CSMD1: variants seen among roughly 807,000 people sequenced by gnomAD.
CSMD1 encodes CUB and Sushi multiple domains 1, also known as CUB and sushi domain-containing protein 1.
CSMD1 carries 213 observed loss-of-function variants against 417.5 expected under a neutral mutation model. That is an observed-to-expected ratio of 0.51 (90% CI 0.46 to 0.57). CSMD1 has a LOEUF of 0.57. CSMD1 is among the 20% of genes least tolerant of loss of function. The pLI is 0.00. For synonymous variants in CSMD1, 2,862 were observed against 1,736.8 expected (o/e 1.65, Z -16.11); for missense variants, 6,923 against 4,529.7 (o/e 1.53, Z -15.17).
At chr8:2,987,667 C>T (rs925736101) in intron 54 of CSMD1, among the ~76,000 whole-genome samples, 7 of 152,110 alleles carry the variant, frequency 4.6e-5, no homozygotes, top group Admixed American at 1.3e-4. Flanking sequence ...AGGATGAATG[C>T]CCCCATAAGA....
At chr8:2,983,595 C>T (rs748577239) in intron 54 of CSMD1, among the ~76,000 whole-genome samples, 2 of 152,122 alleles carry the variant, frequency 1.3e-5, no homozygotes, top group African/African-American at 2.4e-5. Flanking sequence ...AGAGCAGAAC[C>T]GTGGACTTTC....
At chr8:4,454,004 A>C (rs187462284) in intron 2 of CSMD1, among the ~76,000 whole-genome samples, 1 of 150,938 alleles carries the variant, frequency 6.6e-6, no homozygotes, top group Non-Finnish European at 1.5e-5. Context: ...TGTATTTTTT[A>C]GTAGAGACGG....
At chr8:3,777,617 C>G (rs1031285031) in intron 5 of CSMD1, among the ~76,000 whole-genome samples, 5 of 152,230 alleles carry the variant, frequency 3.3e-5, no homozygotes, top group African/African-American at 1.2e-4. Flanking sequence ...ATGCCTCCCC[C>G]ACCAGCATCC....
At chr8:4,123,423 T>C (rs1802595303) in intron 3 of CSMD1, among the ~76,000 whole-genome samples, 1 of 152,242 alleles carries the variant, frequency 6.6e-6, no homozygotes, top group Admixed American at 6.5e-5. Flanking sequence ...CTTTACTGTT[T>C]CTTAAATATA....
intron 2 of CSMD1, among the ~76,000 whole-genome samples, chr8:4,483,843 T>C (rs1423013879): frequency 6.6e-6 from 1 of 152,176 alleles, no homozygotes; most frequent in Non-Finnish European, 1.5e-5. Flanking sequence ...AATAACAAAA[T>C]ATTTCTGGGT....
chr8:3,245,179 C>T (rs1221195247), intron 26 of CSMD1, among the ~76,000 whole-genome samples: 2 of 152,192 alleles, frequency 1.3e-5, no homozygotes, highest in Non-Finnish European at 2.9e-5. Flanking sequence ...AAATGGCACT[C>T]CTGTCTTCTG....
At chr8:3,190,189 T>A in intron 33 of CSMD1, 74 bp from the exon 34 acceptor site, 1 of 1,184,218 alleles carries the variant, frequency 8.4e-7, no homozygotes, top group South Asian at 1.4e-5. Flanking sequence ...AACGTGGGTT[T>A]AAGATGGGAC....
intron 52 of CSMD1, among the ~76,000 whole-genome samples, chr8:3,003,597 G>A (rs988458690): frequency 6.6e-6 from 1 of 152,154 alleles, no homozygotes; most frequent in Non-Finnish European, 1.5e-5. Context: ...ATTTCATGAT[G>A]ATTTGTTGTG....
At chr8:4,982,568 G>A (rs1312452610) in intron 1 of CSMD1, among the ~76,000 whole-genome samples, 2 of 152,072 alleles carry the variant, frequency 1.3e-5, no homozygotes, top group Admixed American at 6.6e-5. Context: ...TTTAACTTAG[G>A]TACTTCTTTC....
intron 1 of CSMD1, among the ~76,000 whole-genome samples, chr8:4,807,864 A>C (rs1020226732): frequency 2.6e-5 from 4 of 152,164 alleles, no homozygotes; most frequent in Non-Finnish European, 5.9e-5. Flanking sequence ...TATTACTAGT[A>C]AGAGGAGGAG....
chr8:3,644,373 G>T (rs117613073), intron 7 of CSMD1, among the ~76,000 whole-genome samples: 1 of 152,194 alleles, frequency 6.6e-6, no homozygotes, highest in East Asian at 1.9e-4. Context: ...ATCAGCAGGT[G>T]CGAGTGAGAC....
At chr8:3,114,179 G>A (rs540095402) in intron 42 of CSMD1, among the ~76,000 whole-genome samples, 5 of 152,288 alleles carry the variant, frequency 3.3e-5, no homozygotes, top group African/African-American at 1.2e-4. Context: ...GGCAGGTCAA[G>A]GCTACAGTGA....
At chr8:4,748,506 T>G (rs1048154758) in intron 1 of CSMD1, among the ~76,000 whole-genome samples, 2 of 152,218 alleles carry the variant, frequency 1.3e-5, no homozygotes, top group Admixed American at 1.3e-4. Flanking sequence ...CCATTCCTTG[T>G]TAGTTTCTTT....
chr8:3,468,546 T>G (rs754271446), intron 12 of CSMD1, among the ~76,000 whole-genome samples, 166 bp downstream of exon 12: 13 of 152,162 alleles, frequency 8.5e-5, no homozygotes, highest in Non-Finnish European at 1.3e-4. Flanking sequence ...ACATTCTCAT[T>G]CACGAAAGCG....
At chr8:3,791,606 A>G (rs542800498) in intron 5 of CSMD1, among the ~76,000 whole-genome samples, 53 of 152,272 alleles carry the variant, frequency 3.5e-4, no homozygotes, top group African/African-American at 1.2e-3. Flanking sequence ...GGTTGATCAC[A>G]TGAAGTCAGG....
At chr8:3,019,647 G>T (rs1337367655) in intron 51 of CSMD1, among the ~76,000 whole-genome samples, 1 of 152,186 alleles carries the variant, frequency 6.6e-6, no homozygotes, top group Non-Finnish European at 1.5e-5. Flanking sequence ...TCGATGGGGT[G>T]ACCCTATGCC....
intron 5 of CSMD1, among the ~76,000 whole-genome samples, chr8:3,865,573 A>T (rs1417937441): frequency 6.6e-6 from 1 of 152,156 alleles, no homozygotes; most frequent in African/African-American, 2.4e-5. Flanking sequence ...GGGAAGCCGC[A>T]GGAGAATTCA....
chr8:4,272,003 ATACTC>A (rs1192017455), intron 3 of CSMD1, among the ~76,000 whole-genome samples: 1 of 152,100 alleles, frequency 6.6e-6, no homozygotes, highest in Non-Finnish European at 1.5e-5. Flanking sequence ...ATCCCCGTGA[ATACTC>A]TATTTTCCAT....
At chr8:4,015,490 C>G (rs1023716733) in intron 4 of CSMD1, among the ~76,000 whole-genome samples, 1 of 151,820 alleles carries the variant, frequency 6.6e-6, no homozygotes, top group African/African-American at 2.4e-5. Flanking sequence ...TAAAGAAAAC[C>G]ACAGCTTCAG....
Sources: allele counts gnomAD v4.1 joint callset (sites outside exome capture counted in the v4.1 genomes callset), GRCh38; gene constraint gnomAD v4.1.1; transcripts MANE v1.5; gene names NCBI Gene and HGNC (gene_info 2026-07-23, HGNC 2026-07-21).